DOT1L: variants seen among roughly 807,000 people sequenced by gnomAD.
The protein encoded by DOT1L is histone-lysine N-methyltransferase, H3 lysine-79 specific.
In DOT1L, 33 loss-of-function variants were observed where a neutral mutation model predicts 153.3. That is an observed-to-expected ratio of 0.22 (90% CI 0.16 to 0.29). The LOEUF is 0.29. DOT1L is among the 10% of genes least tolerant of loss of function. DOT1L has a pLI of 1.00. For missense variants in DOT1L, 1,847 were observed against 2,119.9 expected (o/e 0.87, Z 2.53); for synonymous variants, 1,135 against 965.1 (o/e 1.18, Z -3.26).
rs189294966 is a variant in DOT1L, at chr19:2,207,065, C to T, written c.856+268C>T. Among the ~76,000 whole-genome samples, 275 of 152,306 alleles carry T rather than the reference C, an allele frequency of 1.8e-3. 1 individual carries two copies. Among genetic ancestry groups the T allele is most frequent in the East Asian group, 3.9e-4 (2 of 5,174 alleles). On this transcript the variant is annotated intron_variant, in intron 10 of 27. Coordinates refer to ENST00000398665, the MANE Select transcript of DOT1L (RefSeq NM_032482.3). The surrounding 1 kb of genome is among the most constrained non-coding windows in gnomAD (Gnocchi z 4.5). ...GTAGAATCACTCCTCGGGGAGACCC[C>T]GGCTTCGAGGGGAGGCGTGAAGGAT... is the stretch of plus-strand genomic sequence containing the variant.
Position 2,194,555 on chromosome 19 carries a change from GA to G in DOT1L, c.635del (p.Lys212SerfsTer29), listed in dbSNP as rs2144756495. 1 of 1,613,474 alleles carries G rather than the reference GA, an allele frequency of 6.2e-7. No individual in the cohort carries two copies. On this transcript the variant is annotated frameshift_variant, in exon 7 of 28. Transcript: ENST00000398665. LOFTEE classifies it high-confidence loss of function. ...REFRKWMKWY[G>X]KKHAEYTLER... ...TTCAGGAAGTGGATGAAATGGTATG[GA>G]AAAAAGCATGCAGAATACACAGTGA...
chr19:2,231,599 C>T lies in DOT1L; in HGVS notation c.*1807C>T, dbSNP rs1036983707. On this transcript the variant is annotated 3_prime_UTR_variant, in exon 28 of 28. Transcript: ENST00000398665. ...GTGGTGCCCAGTGCCCTCCCCACCCCACGTTGGTGCTCTCAGCTAGAAGGT... is the reference window on the plus strand; with the variant it reads ...GTGGTGCCCAGTGCCCTCCCCACCCTACGTTGGTGCTCTCAGCTAGAAGGT... 4 of 208,434 alleles carry T rather than the reference C, an allele frequency of 1.9e-5. No individual in the cohort carries two copies. Among genetic ancestry groups the T allele is most frequent in the Non-Finnish European group, 2.9e-5 (3 of 102,374 alleles). 12.9% of individuals were successfully genotyped at this position (208,434 alleles called of 1,614,324 possible).
intron 3 of DOT1L, among the ~76,000 whole-genome samples, chr19:2,189,315 C>T (rs112194953): frequency 2.6e-5 from 4 of 152,316 alleles, no homozygotes; most frequent in African/African-American, 9.6e-5. Flanking sequence ...GTTCACCTGC[C>T]TCTGGCGATG....
At position 2,205,174 on chromosome 19, in the gene DOT1L, T is replaced by C. The variant is rs1413296737; in HGVS notation, c.788-1555T>C. On this transcript the variant is annotated intron_variant, in intron 9 of 27. Coordinates refer to ENST00000398665, the MANE Select transcript of DOT1L (RefSeq NM_032482.3). ...TTTTAGTAGAGACAGGGTTTCACTG[T>C]GTTAGCCAGGATGGTCTCGATCTCC... 1.3e-5 allele frequency among the ~76,000 whole-genome samples: 2 copies of C among 152,266 alleles called. 1 individual carries two copies. The highest frequency in any genetic ancestry group is 4.1e-4 in the South Asian group (2 of 4,820).
Position 2,226,195 on chromosome 19 carries a change from C to A in DOT1L, c.3674C>A (p.Ala1225Glu). 2 of 1,514,366 alleles carry A rather than the reference C, an allele frequency of 1.3e-6. No homozygotes were observed. Among genetic ancestry groups the A allele is most frequent in the Non-Finnish European group, 8.8e-7 (1 of 1,130,012 alleles). The allele number at this position is 1,514,366 out of a possible 1,614,324, so 93.8% of individuals were successfully genotyped here. A position where few individuals can be genotyped will look rare whatever the true frequency, so the allele number is the denominator to read the frequency against. Residue 1225 changes from alanine to glutamate, a missense_variant, in exon 27 of 28, where the codon GCG becomes GAG. Physicochemically the swap from Ala to Glu is moderately radical, Grantham distance 107. Coordinates refer to ENST00000398665, the MANE Select transcript of DOT1L (RefSeq NM_032482.3). The stretch of plus-strand genomic sequence containing the variant: ...TCCTCTTTGCCAGGTGGTGGCTTGG[C>A]GGGAAGGAAGCCCGCGCCCGCCGGC... The part of the protein sequence containing the change: ...PKTLENGGGL[A>E]GRKPAPAGEP...
intron 9 of DOT1L, 110 bp from the exon 10 acceptor site, chr19:2,206,619 G>C: frequency 9.6e-7 from 1 of 1,044,928 alleles, no homozygotes; most frequent in Non-Finnish European, 1.5e-6. Flanking sequence ...AGGACCCGGA[G>C]CCCAGTGTGT....
intron 9 of DOT1L, among the ~76,000 whole-genome samples, chr19:2,206,077 A>C (rs1334294066): frequency 3.3e-5 from 5 of 150,900 alleles, no homozygotes; most frequent in Admixed American, 6.6e-5. Flanking sequence ...ACTCACTTGC[A>C]GCTTCCACCT....
At chr19:2,178,757 G>GA (rs1280571591) in intron 1 of DOT1L, among the ~76,000 whole-genome samples, 1 of 151,780 alleles carries the variant, frequency 6.6e-6, no homozygotes. Context: ...AGTAGAGACG[G>GA]GGTTTCACCT....
At chr19:2,228,560 C>G in intron 27 of DOT1L, 1 of 985,352 alleles carries the variant, frequency 1.0e-6, no homozygotes, top group Non-Finnish European at 1.2e-6. Flanking sequence ...CGGGCACCAG[C>G]CATGGAGTGG....
intron 1 of DOT1L, among the ~76,000 whole-genome samples, chr19:2,180,056 A>G (rs1419781635): frequency 6.6e-6 from 1 of 152,096 alleles, no homozygotes; most frequent in Non-Finnish European, 1.5e-5. Flanking sequence ...GAGGGAGCGA[A>G]GGGCAGGGTG....
rs913388861 is a variant in DOT1L, at chr19:2,164,514, C to G, written c.81+249C>G. On this transcript the variant is annotated intron_variant, in intron 1 of 27. Transcript: ENST00000398665. The stretch of plus-strand genomic sequence containing the variant: ...GCGCCCCCGAGCCCTACCGCGGTGC[C>G]GTTGCCCCCGCCGGGCTGTCCCGGG... 9.9e-6 allele frequency: 3 copies of G among 302,428 alleles called. No individual in the cohort carries two copies. In the South Asian group the frequency reaches 4.9e-4, roughly 49 times the overall value. The allele number at this position is 302,428 out of a possible 1,614,324, so 18.7% of individuals were successfully genotyped here. A position where few individuals can be genotyped will look rare whatever the true frequency, so the allele number is the denominator to read the frequency against.
chr19:2,198,983 A>G (rs1318948814), intron 7 of DOT1L, among the ~76,000 whole-genome samples: 2 of 151,782 alleles, frequency 1.3e-5, no homozygotes, highest in Admixed American at 6.5e-5. Context: ...GGCTGCTTCC[A>G]CCTTTTGGCT....
In DOT1L at chr19:2,216,270, T is replaced by C. The variant is rs763932644; in HGVS notation, c.1924-11T>C. ...GGTGGGGCGGGCCTGACACCATCTCTCCTCCTGCAGATCAGCATTGTGGAG... is the reference window on the plus strand; with the variant it reads ...GGTGGGGCGGGCCTGACACCATCTCCCCTCCTGCAGATCAGCATTGTGGAG... On this transcript the variant is annotated splice_polypyrimidine_tract_variant and intron_variant, in intron 19 of 27. Coordinates refer to ENST00000398665, the MANE Select transcript of DOT1L (RefSeq NM_032482.3). 4 of 1,556,700 alleles carry C rather than the reference T, an allele frequency of 2.6e-6. No homozygotes were observed. The African/African-American group carries it at 5.4e-5, about 21-fold the overall frequency.
intron 7 of DOT1L, among the ~76,000 whole-genome samples, chr19:2,198,025 C>T (rs111677530): frequency 0.025 from 3,877 of 152,292 alleles, 162 homozygotes; most frequent in African/African-American, 0.088. Flanking sequence ...CCCAGACCCC[C>T]GCTTCCTATG....
rs946953329 is a variant in DOT1L at position 2,229,666 on chromosome 19, C to T, written c.4607-119C>T. 5 of 1,599,080 alleles carry T rather than the reference C, an allele frequency of 3.1e-6. No homozygotes were observed. In the African/African-American group the frequency reaches 5.3e-5, roughly 17 times the overall value. On this transcript the variant is annotated intron_variant, in intron 27 of 27. Coordinates refer to ENST00000398665, the MANE Select transcript of DOT1L (RefSeq NM_032482.3). ...AGCTGGCACTATGCCTGTCATGGTG[C>T]TGGCCCCAGGTGGCGTGTGTGCTCG...
chr19:2,225,309 G>A, intron 25 of DOT1L, 79 bp from the exon 26 acceptor site: 12 of 1,405,652 alleles, frequency 8.5e-6, no homozygotes, highest in Non-Finnish European at 1.1e-5. Context: ...GAGCTCCCTG[G>A]GCTGTTGGCT....
chr19:2,215,260 C>T (rs534019977), intron 19 of DOT1L, among the ~76,000 whole-genome samples: 1 of 152,150 alleles, frequency 6.6e-6, no homozygotes. Context: ...AGCCAGGCCC[C>T]ATCTGAAAAA....
intron 16 of DOT1L, 38 bp from the exon 17 acceptor site, chr19:2,213,501 G>A (rs778197879): frequency 1.2e-5 from 19 of 1,604,672 alleles, no homozygotes; most frequent in East Asian, 8.9e-5. Flanking sequence ...TCAGTCACCT[G>A]CCCTGGCCCT....
rs1039050445 is a variant in DOT1L, at chr19:2,222,964, G to A, written c.3391-317G>A. ...ATCCTCCACCACGTGCGGCCTGGCA[G>A]CCTGGGAAGAGGCGGCCGACAGCTG... is the stretch of plus-strand genomic sequence containing the variant. On this transcript the variant is annotated intron_variant, in intron 24 of 27. Coordinates refer to ENST00000398665, the MANE Select transcript of DOT1L (RefSeq NM_032482.3). The surrounding 1 kb of genome is among the most constrained non-coding windows in gnomAD (Gnocchi z 6.5). 1 of 451,220 alleles carries A rather than the reference G, an allele frequency of 2.2e-6. No homozygotes were observed. The highest frequency in any genetic ancestry group is 3.9e-6 in the Non-Finnish European group (1 of 254,058). The allele number at this position is 451,220 out of a possible 1,614,324, so 28.0% of individuals were successfully genotyped here.
Sources: allele counts gnomAD v4.1 joint callset (sites outside exome capture counted in the v4.1 genomes callset), GRCh38; gene constraint gnomAD v4.1.1; non-coding constraint Gnocchi (gnomAD v3.1); transcripts MANE v1.5; gene names NCBI Gene and HGNC (gene_info 2026-07-23, HGNC 2026-07-21).